FUBP3: variants seen among roughly 807,000 people sequenced by gnomAD.
FUBP3 encodes far upstream element binding protein 3, also known as far upstream element-binding protein 3.
A neutral mutation model predicts 85.6 loss-of-function variants in FUBP3; 28 were observed. The ratio of observed to expected loss-of-function variants is 0.33; its 90% confidence interval spans 0.24 to 0.45. FUBP3 has a LOEUF of 0.45. Ranked by LOEUF, FUBP3 falls within the 20% of genes least tolerant of loss-of-function variation. The pLI is 1.00. For missense variants in FUBP3, 583 were observed against 755.1 expected, an observed-to-expected ratio of 0.77 and a Z score of 2.67; for synonymous variants, 271 against 271.4, an observed-to-expected ratio of 1.00 and a Z score of 0.01.
At chr9:130,582,432 CAG>C (rs1342164687) in intron 1 of FUBP3, among the ~76,000 whole-genome samples, 1 of 145,554 alleles carries the variant, frequency 6.9e-6, no homozygotes. Context: ...GCCTGAGTGA[CAG>C]AGTGAGACAC....
At chr9:130,594,887 T>C (rs1295045756) in intron 1 of FUBP3, among the ~76,000 whole-genome samples, 8 of 124,620 alleles carry the variant, frequency 6.4e-5, no homozygotes, top group South Asian at 2.4e-4. Context: ...TTTTTTTTTT[T>C]CTTCTTAAGA....
At chr9:130,601,801 A>ATTTTTTTTTT (rs113638192) in intron 2 of FUBP3, among the ~76,000 whole-genome samples, 9 of 117,374 alleles carry the variant, frequency 7.7e-5, no homozygotes, top group East Asian at 2.8e-4. Context: ...ATAATTCCTA[A>ATTTTTTTTTT]TTTTTTTTTT....
chr9:130,587,418 A>G (rs1293433034), intron 1 of FUBP3, among the ~76,000 whole-genome samples: 4 of 152,114 alleles, frequency 2.6e-5, no homozygotes, highest in Non-Finnish European at 5.9e-5. Context: ...ATGGAATGGA[A>G]GGGGAAAGCC....
At chr9:130,603,369 CA>C (rs60604069) in intron 2 of FUBP3, among the ~76,000 whole-genome samples, 1 of 111,438 alleles carries the variant, frequency 9.0e-6, no homozygotes, top group Non-Finnish European at 1.9e-5. Context: ...AAAAAAAAAA[CA>C]AATAGTGAAG....
At chr9:130,608,781 T>A (rs1396593692) in intron 2 of FUBP3, among the ~76,000 whole-genome samples, 1 of 152,242 alleles carries the variant, frequency 6.6e-6, no homozygotes, top group Non-Finnish European at 1.5e-5. Flanking sequence ...TGCTTTTTGC[T>A]AGCATTGTTT....
rs1829804359 is a variant in FUBP3 at position 130,622,593 on chromosome 9, T to A, written c.772-115T>A. 4 of 498,980 alleles carry A rather than the reference T, an allele frequency of 8.0e-6. No homozygotes were observed. In the African/African-American group the frequency reaches 8.3e-5, roughly 10 times the overall value. The allele number at this position is 498,980 out of a possible 1,614,324, so 30.9% of individuals were successfully genotyped here. A position where few individuals can be genotyped will look rare whatever the true frequency, so the allele number is the denominator to read the frequency against. On this transcript the variant is annotated intron_variant, in intron 9 of 18. Transcript: ENST00000319725. ...CTGCAGTGAGCTGAGATTGTGCCACTGCACTCCAGCCTGGGCAACAGAGCG... is the reference window on the plus strand; with the variant it reads ...CTGCAGTGAGCTGAGATTGTGCCACAGCACTCCAGCCTGGGCAACAGAGCG...
At chr9:130,631,372 G>A (rs553151832) in intron 13 of FUBP3, 185 bp from the exon 14 acceptor site, 1 of 1,394,018 alleles carries the variant, frequency 7.2e-7, no homozygotes, top group East Asian at 2.6e-5. Flanking sequence ...TTGGTCGCTG[G>A]AGGGCAGAAG....
chr9:130,606,894 A>G (rs935559184), intron 2 of FUBP3, among the ~76,000 whole-genome samples: 14 of 150,526 alleles, frequency 9.3e-5, no homozygotes, highest in Non-Finnish European at 2.1e-4. Flanking sequence ...CTTTTGGAGG[A>G]GAAAAAAAAA....
At chr9:130,604,997 CTGAAA>C (rs975010168) in intron 2 of FUBP3, among the ~76,000 whole-genome samples, 9 of 151,932 alleles carry the variant, frequency 5.9e-5, no homozygotes, top group African/African-American at 2.2e-4. Context: ...ACATATGTGA[CTGAAA>C]TGAAAGTTTT....
chr9:130,611,508 A>G (rs987785674), intron 3 of FUBP3, among the ~76,000 whole-genome samples: 2 of 152,184 alleles, frequency 1.3e-5, no homozygotes, highest in African/African-American at 2.4e-5. Flanking sequence ...GTTCCCATCA[A>G]AATGATACAG....
intron 11 of FUBP3, among the ~76,000 whole-genome samples, chr9:130,624,533 G>T (rs1829885035): frequency 6.6e-6 from 1 of 152,142 alleles, no homozygotes; most frequent in South Asian, 2.1e-4. Context: ...CAGCCTGTGG[G>T]CTGCACGCAG....
Position 130,635,229 on chromosome 9 carries a change from G to A in FUBP3, c.1582+491G>A, listed in dbSNP as rs73549935. Among the ~76,000 whole-genome samples, 8,319 of 152,208 alleles carry A rather than the reference G, an allele frequency of 0.055. 330 individuals carry two copies. Among genetic ancestry groups the A allele is most frequent in the South Asian group, 0.073 (354 of 4,828 alleles). On this transcript the variant is annotated intron_variant, in intron 17 of 18. Coordinates refer to ENST00000319725, the MANE Select transcript of FUBP3 (RefSeq NM_003934.2). The surrounding 1 kb of genome is among the most constrained non-coding windows in gnomAD (Gnocchi z 4.3). ...TTAGTTTCTCTTCTTAAGTAGGCCC[G>A]TTTTCTAACTACCAGAAATGAAACC...
rs1333003180 is a variant in FUBP3 at position 130,609,940 on chromosome 9, T to C, written c.191-14T>C. The stretch of plus-strand genomic sequence containing the variant: ...AATGCTTTGATTTTTTTTTTCTCTT[T>C]CTCTTTGCCACAGTAGGTAACCAGT... On this transcript the variant is annotated splice_polypyrimidine_tract_variant and intron_variant, in intron 2 of 18. Coordinates refer to ENST00000319725, the MANE Select transcript of FUBP3 (RefSeq NM_003934.2). 2 of 1,603,414 alleles carry C rather than the reference T, an allele frequency of 1.2e-6. No homozygotes were observed. Among genetic ancestry groups the C allele is most frequent in the Non-Finnish European group, 1.7e-6 (2 of 1,171,404 alleles).
At chr9:130,632,966 C>A (rs1184976411) in intron 16 of FUBP3, among the ~76,000 whole-genome samples, 1 of 152,252 alleles carries the variant, frequency 6.6e-6, no homozygotes, top group African/African-American at 2.4e-5. Context: ...GAGTTTCTGT[C>A]CTGTGTTTAG....
Position 130,638,102 on chromosome 9 carries a change from T to G in FUBP3, c.*1080T>G, listed in dbSNP as rs1830476043. 6.6e-6 allele frequency: 1 copy of G among 152,616 alleles called. No individual in the cohort carries two copies. Among genetic ancestry groups the G allele is most frequent in the Non-Finnish European group, 1.5e-5 (1 of 68,022 alleles). The allele number at this position is 152,616 out of a possible 1,614,324, so 9.5% of individuals were successfully genotyped here. On this transcript the variant is annotated 3_prime_UTR_variant, in exon 19 of 19. Transcript: ENST00000319725. Reference sequence around the variant, plus strand: ...ATTTTTAAAGGAAAAAAAACGGAATTGAAGCTATTTTTTCTTGCATTTCTA... The same window carrying G: ...ATTTTTAAAGGAAAAAAAACGGAATGGAAGCTATTTTTTCTTGCATTTCTA...
intron 1 of FUBP3, among the ~76,000 whole-genome samples, chr9:130,580,167 C>T (rs1830073868): frequency 6.6e-6 from 1 of 152,186 alleles, no homozygotes; most frequent in South Asian, 2.1e-4. Context: ...CTTGTTAAAA[C>T]TTGGGGAACA....
Position 130,616,326 on chromosome 9 carries a change from T to C in FUBP3, c.405-29T>C. On this transcript the variant is annotated intron_variant, in intron 6 of 18. Transcript: ENST00000319725. The surrounding 1 kb of genome is among the most constrained non-coding windows in gnomAD (Gnocchi z 4.7). The stretch of plus-strand genomic sequence containing the variant: ...ACTTAGAGCCTCCATTTAATGCTGG[T>C]TCTCTTGTGGTTCTTTTCCCTCCCA... 1 of 1,612,032 alleles carries C rather than the reference T, an allele frequency of 6.2e-7. No homozygotes were observed. The highest frequency in any genetic ancestry group is 8.5e-7 in the Non-Finnish European group (1 of 1,178,346).
At position 130,589,673 on chromosome 9, in the gene FUBP3, G is replaced by GTA. The variant is rs1291689029; in HGVS notation, c.85-5809_85-5808insAT. 4.8e-3 allele frequency among the ~76,000 whole-genome samples: 135 copies of GTA among 28,324 alleles called. 3 individuals are homozygous for GTA. Among genetic ancestry groups the GTA allele is most frequent in the Admixed American group, 7.1e-3 (13 of 1,820 alleles). 18.6% of individuals were successfully genotyped at this position (28,324 alleles called of 152,430 possible). On this transcript the variant is annotated intron_variant, in intron 1 of 18. Transcript: ENST00000319725. ...TTATTTTAAATATGTATGTATGTGT[G>GTA]TGTATATATATATATATATATATAT...
intron 2 of FUBP3, among the ~76,000 whole-genome samples, chr9:130,608,200 A>T (rs762816648): frequency 6.6e-6 from 1 of 152,166 alleles, no homozygotes; most frequent in African/African-American, 2.4e-5. Flanking sequence ...AACGCAGTGG[A>T]CCAGAACCCA....
Sources: gnomAD v4.1 joint callset for allele counts (sites outside exome capture counted in the v4.1 genomes callset) on GRCh38, gnomAD v4.1.1 for gene constraint, Gnocchi (gnomAD v3.1) non-coding constraint, MANE v1.5 for transcripts, NCBI Gene and HGNC (gene_info 2026-07-23, HGNC 2026-07-21) for gene names.